The following ITPR3 variants were observed in gnomAD, a reference collection of about 807,000 sequenced individuals.
The protein encoded by ITPR3 is inositol 1,4,5-trisphosphate receptor type 3.
Under a neutral mutation model 293.2 loss-of-function variants are expected in ITPR3, and 173 were observed. The observed-to-expected ratio is 0.59, with a 90% confidence interval of 0.52 to 0.67. The LOEUF is 0.67. ITPR3 is among the 30% of genes least tolerant of loss of function. The pLI is 0.00. For missense variants in ITPR3, 2,796 were observed against 3,592.1 expected (o/e 0.78, Z 5.66); for synonymous variants, 1,295 against 1,444.4 (o/e 0.90, Z 2.35).
chr6:33,671,165 G>C lies in ITPR3; in HGVS notation c.2587G>C (p.Val863Leu). Residue 863 changes from valine (V) to leucine (L), a missense_variant and splice_region_variant, in exon 21 of 58, where the codon GTG (valine) becomes CTG (leucine). By Grantham distance (32) the Val-to-Leu change is conservative. Around this residue, in one of 8 missense-constraint regions of ITPR3, gnomAD observed 955 missense variants for 1,180.8 expected, o/e 0.81. Coordinates refer to ENST00000605930, the MANE Select transcript of ITPR3 (RefSeq NM_002224.4). ...CACCTCGGCCACGCCCCCTTCGCAGGTGGTCAGCCTGGCGCACAATCTCAT... is the reference window on the plus strand; with the variant it reads ...CACCTCGGCCACGCCCCCTTCGCAGCTGGTCAGCCTGGCGCACAATCTCAT... ...NEEKNKLTFE[V>L]VSLAHNLIYF... 6.2e-7 allele frequency: 1 copy of C among 1,613,354 alleles called. No homozygotes were observed. The highest frequency in any genetic ancestry group is 8.5e-7 in the Non-Finnish European group (1 of 1,179,818).
In ITPR3 at chr6:33,633,269, A is replaced by T. The variant is rs1185870124; in HGVS notation, c.90-7215A>T. ...GACAGTGAGAGATCGGTGGGCTGGT[A>T]AAGGGTGGGAACAGGTCTTTTCTGG... is the stretch of plus-strand genomic sequence containing the variant. On this transcript the variant is annotated intron_variant, in intron 1 of 57. Transcript: ENST00000605930. This position sits in a 1 kb window ranked among gnomAD's most constrained non-coding sequence, Gnocchi z 5.2. Among the ~76,000 whole-genome samples the T allele has an allele frequency of 6.6e-6, 1 of 151,318 alleles. No homozygotes were observed. Among genetic ancestry groups the T allele is most frequent in the Non-Finnish European group, 1.5e-5 (1 of 67,748 alleles).
Position 33,658,043 on chromosome 6 carries a change from G to A in ITPR3, c.369+25G>A, listed in dbSNP as rs201717246. 23 of 1,594,360 alleles carry A rather than the reference G, an allele frequency of 1.4e-5. 1 individual carries two copies. Among genetic ancestry groups the A allele is most frequent in the African/African-American group, 1.1e-4 (8 of 74,558 alleles). ...GGTGAGGCTGGCCTGCCTCTCTCCCGCCTGCCCCTCTCCCTGCCTAAGAGG... is the reference window on the plus strand; with the variant it reads ...GGTGAGGCTGGCCTGCCTCTCTCCCACCTGCCCCTCTCCCTGCCTAAGAGG... On this transcript the variant is annotated intron_variant, in intron 4 of 57. Transcript: ENST00000605930. The surrounding 1 kb of genome is among the most constrained non-coding windows in gnomAD (Gnocchi z 6.1).
In ITPR3 at chr6:33,621,589, G is replaced by A. The variant is rs754822570; in HGVS notation, c.-14G>A. 14 of 1,576,306 alleles carry A rather than the reference G, an allele frequency of 8.9e-6. No homozygotes were observed. The highest frequency in any genetic ancestry group is 1.2e-5 in the Non-Finnish European group (14 of 1,159,798). ...AGGCGCCCCCCACGCCCTGGGCCCC[G>A]GAGGGCCGCAGCCATGAGTGAAATG... On this transcript the variant is annotated 5_prime_UTR_variant, in exon 1 of 58. Transcript: ENST00000605930. The surrounding 1 kb of genome is among the most constrained non-coding windows in gnomAD (Gnocchi z 7.7).
At chr6:33,627,885 C>T (rs903718267) in intron 1 of ITPR3, among the ~76,000 whole-genome samples, 8 of 152,132 alleles carry the variant, frequency 5.3e-5, no homozygotes, top group African/African-American at 1.2e-4. Context: ...GGGGGTGGCG[C>T]GGGGTTGGCT....
chr6:33,677,432 G>T, intron 27 of ITPR3, 72 bp from the exon 28 acceptor site: 1 of 1,582,872 alleles, frequency 6.3e-7, no homozygotes, highest in Non-Finnish European at 8.6e-7. Flanking sequence ...CTGGAACTTG[G>T]CTGTGGTGGG....
At chr6:33,642,074 C>T (rs9469537) in intron 2 of ITPR3, among the ~76,000 whole-genome samples, 87,404 of 152,062 alleles carry the variant, frequency 0.57, 25,631 homozygotes, top group East Asian at 0.81. Flanking sequence ...GGCAGATCCC[C>T]GAGCACATTT....
chr6:33,662,221 C>T (rs1173735748), intron 7 of ITPR3, among the ~76,000 whole-genome samples: 2 of 151,740 alleles, frequency 1.3e-5, no homozygotes, highest in African/African-American at 2.4e-5. Context: ...GGAGATGGGC[C>T]GTTAGAGGTT....
chr6:33,694,602 A>G (rs997224605), intron 56 of ITPR3: 5 of 329,890 alleles, frequency 1.5e-5, no homozygotes, highest in Non-Finnish European at 2.8e-5. Flanking sequence ...GTCTGGGTGC[A>G]GAGGCCTTCC....
Position 33,675,676 on chromosome 6 carries a change from C to A in ITPR3, c.3117-15C>A. 2 of 1,585,874 alleles carry A rather than the reference C, an allele frequency of 1.3e-6. No individual in the cohort carries two copies. The highest frequency in any genetic ancestry group is 1.7e-6 in the Non-Finnish European group (2 of 1,164,268). Reference sequence around the variant, plus strand: ...GCCAGTCTCACCCATGCGCCCTGCACCCTTGTGCCCGCAGGAAGACAAGCA... The same window carrying A: ...GCCAGTCTCACCCATGCGCCCTGCAACCTTGTGCCCGCAGGAAGACAAGCA... On this transcript the variant is annotated splice_polypyrimidine_tract_variant and intron_variant, in intron 24 of 57. Transcript: ENST00000605930. The surrounding 1 kb of genome is among the most constrained non-coding windows in gnomAD (Gnocchi z 5.0).
At position 33,691,464 on chromosome 6, in the gene ITPR3, A is replaced by G; in HGVS notation, c.7226-151A>G. On this transcript the variant is annotated intron_variant, in intron 52 of 57. Coordinates refer to ENST00000605930, the MANE Select transcript of ITPR3 (RefSeq NM_002224.4). This position sits in a 1 kb window ranked among gnomAD's most constrained non-coding sequence, Gnocchi z 4.9. Reference sequence around the variant, plus strand: ...TAGTGTGCAACCCAGTCGGGGGCAGAAGCGTGATGACCCTTCACTGTGGCT... The same window carrying G: ...TAGTGTGCAACCCAGTCGGGGGCAGGAGCGTGATGACCCTTCACTGTGGCT... The G allele has an allele frequency of 1.5e-6, 1 of 674,658 alleles. No individual in the cohort carries two copies. Among genetic ancestry groups the G allele is most frequent in the Non-Finnish European group, 2.6e-6 (1 of 392,020 alleles). The allele number at this position is 674,658 out of a possible 1,614,324, so 41.8% of individuals were successfully genotyped here. A position where few individuals can be genotyped will look rare whatever the true frequency, so the allele number is the denominator to read the frequency against.
rs1448842609 is a variant in ITPR3 at position 33,691,466 on chromosome 6, G to A, written c.7226-149G>A. 1.5e-6 allele frequency: 1 copy of A among 679,876 alleles called. No homozygotes were observed. The highest frequency in any genetic ancestry group is 2.5e-6 in the Non-Finnish European group (1 of 396,170). 42.1% of individuals were successfully genotyped at this position (679,876 alleles called of 1,614,324 possible). On this transcript the variant is annotated intron_variant, in intron 52 of 57. Coordinates refer to ENST00000605930, the MANE Select transcript of ITPR3 (RefSeq NM_002224.4). The surrounding 1 kb of genome is among the most constrained non-coding windows in gnomAD (Gnocchi z 4.9). Reference sequence around the variant, plus strand: ...GTGTGCAACCCAGTCGGGGGCAGAAGCGTGATGACCCTTCACTGTGGCTGG... The same window carrying A: ...GTGTGCAACCCAGTCGGGGGCAGAAACGTGATGACCCTTCACTGTGGCTGG...
chr6:33,690,626 T>C (rs1464903612), intron 51 of ITPR3, among the ~76,000 whole-genome samples: 2 of 152,344 alleles, frequency 1.3e-5, no homozygotes, highest in African/African-American at 2.4e-5. Flanking sequence ...CACTGTTTCC[T>C]GGCATGCAGC....
chr6:33,662,576 T>C lies in ITPR3; in HGVS notation c.760T>C (p.Cys254Arg). The C allele has an allele frequency of 6.2e-7, 1 of 1,611,454 alleles. No homozygotes were observed. The highest frequency in any genetic ancestry group is 1.1e-5 in the South Asian group (1 of 90,798). ...TGCGGAGCAGGAGAAGTTCCTGACG[T>C]GTGACGAGTACAAGGGCAAGCTGCA... ...FHAEQEKFLT[C>R]DEYKGKLQVF... Residue 254 changes from cysteine (C) to arginine (R), a missense_variant, in exon 8 of 58, where the codon TGT (cysteine) becomes CGT (arginine). Physicochemically the swap from Cys to Arg is radical, Grantham distance 180. Around this residue, in one of 8 missense-constraint regions of ITPR3, gnomAD observed 955 missense variants for 1,180.8 expected, o/e 0.81. Coordinates refer to ENST00000605930, the MANE Select transcript of ITPR3 (RefSeq NM_002224.4).
At position 33,655,692 on chromosome 6, in the gene ITPR3, C is replaced by T. The variant is rs1177932684; in HGVS notation, c.161-74C>T. ...AGGGTTGGGAGAGAAGAGCTGCAGGCTGGGGTTTTCTCCAGGGAGGGCCCT... is the reference window on the plus strand; with the variant it reads ...AGGGTTGGGAGAGAAGAGCTGCAGGTTGGGGTTTTCTCCAGGGAGGGCCCT... On this transcript the variant is annotated intron_variant, in intron 2 of 57. Transcript: ENST00000605930. The surrounding 1 kb of genome is among the most constrained non-coding windows in gnomAD (Gnocchi z 4.9). The T allele has an allele frequency of 2.5e-6, 4 of 1,592,010 alleles. No individual in the cohort carries two copies. The African/African-American group carries it at 5.4e-5, about 21-fold the overall frequency.
chr6:33,642,928 A>G (rs4711334), intron 2 of ITPR3, among the ~76,000 whole-genome samples: 145,476 of 152,310 alleles, frequency 0.96, 69,705 homozygotes, highest in East Asian at 1. Flanking sequence ...GGACCTGAGC[A>G]GAGCCAACCT....
At chr6:33,659,191 C>G in intron 6 of ITPR3, 72 bp downstream of exon 6, 1 of 1,387,322 alleles carries the variant, frequency 7.2e-7, no homozygotes, top group South Asian at 1.2e-5. Context: ...ACACCCCGCT[C>G]CCTGCCATGG....
chr6:33,644,235 A>G (rs1223262657), intron 2 of ITPR3, among the ~76,000 whole-genome samples: 2 of 151,946 alleles, frequency 1.3e-5, no homozygotes, highest in Non-Finnish European at 2.9e-5. Flanking sequence ...CCATGCACCC[A>G]CTGCTGAGCT....
chr6:33,674,691 T>G (rs1339978145), intron 24 of ITPR3, among the ~76,000 whole-genome samples: 1 of 152,252 alleles, frequency 6.6e-6, no homozygotes, highest in East Asian at 1.9e-4. Flanking sequence ...GCAGGGCTTA[T>G]GGACTGCTTT....
At chr6:33,669,295 G>T in intron 18 of ITPR3, 139 bp downstream of exon 18, 1 of 831,544 alleles carries the variant, frequency 1.2e-6, no homozygotes, top group Non-Finnish European at 1.8e-6. Context: ...AGTCCCTGCT[G>T]TCACTCCCCT....
Sources: gnomAD v4.1 joint callset for allele counts (sites outside exome capture counted in the v4.1 genomes callset) on GRCh38, gnomAD v4.1.1 for gene constraint, gnomAD v4.1.1 regional missense constraint, Gnocchi (gnomAD v3.1) non-coding constraint, MANE v1.5 for transcripts, NCBI Gene and HGNC (gene_info 2026-07-23, HGNC 2026-07-21) for gene names.